PITPNM3: variants seen among roughly 807,000 people sequenced by gnomAD.
PITPNM3 encodes PITPNM family member 3.
A neutral mutation model predicts 102.0 loss-of-function variants in PITPNM3; 26 were observed. The ratio of observed to expected loss-of-function variants is 0.25; its 90% confidence interval spans 0.19 to 0.35. The LOEUF is 0.35. Among genes scored for constraint, PITPNM3 ranks in the 10% least tolerant of loss-of-function variants. PITPNM3 has a pLI of 1.00. For missense variants in PITPNM3, 1,083 were observed against 1,346.1 expected (o/e 0.80, Z 3.06); for synonymous variants, 578 against 558.6 (o/e 1.03, Z -0.49).
At chr17:6,551,846 CAGG>C (rs1405771721) in intron 1 of PITPNM3, among the ~76,000 whole-genome samples, 3 of 151,992 alleles carry the variant, frequency 2.0e-5, no homozygotes, top group Admixed American at 1.3e-4. Flanking sequence ...GTAAGGGGCC[CAGG>C]AGAAGTCTCG....
intron 1 of PITPNM3, among the ~76,000 whole-genome samples, chr17:6,544,407 C>CT (rs1909897126): frequency 6.6e-6 from 1 of 152,114 alleles, no homozygotes; most frequent in African/African-American, 2.4e-5. Flanking sequence ...TAGCATGTGC[C>CT]TATAGTCCCA....
At position 6,457,339 on chromosome 17, in the gene PITPNM3, C is replaced by G. The variant is rs1241302011; in HGVS notation, c.2619+255G>C. The stretch of plus-strand genomic sequence containing the variant: ...ACATCATGGCACTTGTTACACTCCA[C>G]TGTCACCAACTGCAAATGTGTCCAT... On this transcript the variant is annotated intron_variant, in intron 19 of 19. Transcript: ENST00000262483. The surrounding 1 kb of genome is among the most constrained non-coding windows in gnomAD (Gnocchi z 4.7). Among the ~76,000 whole-genome samples the G allele has an allele frequency of 6.6e-5, 10 of 152,360 alleles. No homozygotes were observed. In the East Asian group the frequency reaches 1.9e-3, roughly 29 times the overall value.
At chr17:6,488,495 T>C (rs1407944277) in intron 4 of PITPNM3, among the ~76,000 whole-genome samples, 1 of 152,210 alleles carries the variant, frequency 6.6e-6, no homozygotes, top group Non-Finnish European at 1.5e-5. Flanking sequence ...TTTACCAGTT[T>C]TCAGGGACTA....
chr17:6,457,820 T>C lies in PITPNM3; in HGVS notation c.2491-98A>G. On this transcript the variant is annotated intron_variant, in intron 18 of 19. Transcript: ENST00000262483. This position sits in a 1 kb window ranked among gnomAD's most constrained non-coding sequence, Gnocchi z 4.7. Reference sequence around the variant, plus strand: ...CAGGGGGCCCCTGCTTGGGGACCCTTTATGTGCACTCTGGTAGACTCCAAG... The same window carrying C: ...CAGGGGGCCCCTGCTTGGGGACCCTCTATGTGCACTCTGGTAGACTCCAAG... 6.8e-7 allele frequency: 1 copy of C among 1,477,628 alleles called. No homozygotes were observed. Among genetic ancestry groups the C allele is most frequent in the Non-Finnish European group, 9.2e-7 (1 of 1,091,500 alleles). 91.5% of individuals were successfully genotyped at this position (1,477,628 alleles called of 1,614,324 possible).
chr17:6,538,058 G>A lies in PITPNM3; in HGVS notation c.47C>T (p.Ala16Val), dbSNP rs769866638. Residue 16 changes from alanine (A) to valine (V), a missense_variant, in exon 2 of 20, where the codon GCC (alanine) becomes GTC (valine). Coordinates refer to ENST00000262483, the MANE Select transcript of PITPNM3 (RefSeq NM_031220.4). ...RAGGPPPGGGAPWHLRNVLSD... is the reference protein window; with the variant it reads ...RAGGPPPGGGVPWHLRNVLSD... ...GAGGACATTTCGAAGGTGCCAGGGG[G>A]CACCGCCGCCCGGGGGAGGACCACC... The A allele has an allele frequency of 3.7e-6, 6 of 1,611,828 alleles. No individual in the cohort carries two copies. The South Asian group carries it at 6.6e-5, about 18-fold the overall frequency.
Position 6,556,451 on chromosome 17 carries a change from C to G in PITPNM3, c.-45G>C. 8.4e-7 allele frequency: 1 copy of G among 1,195,780 alleles called. No individual in the cohort carries two copies. Among genetic ancestry groups the G allele is most frequent in the Non-Finnish European group, 1.0e-6 (1 of 967,168 alleles). The allele number at this position is 1,195,780 out of a possible 1,614,324, so 74.1% of individuals were successfully genotyped here. The stretch of plus-strand genomic sequence containing the variant: ...GGCGGCGCTACGCGCGCTCCTCGCG[C>G]TTCCCGGGCCCGGCCCCGACCGCCT... On this transcript the variant is annotated 5_prime_UTR_variant, in exon 1 of 20. Transcript: ENST00000262483. The surrounding 1 kb of genome is among the most constrained non-coding windows in gnomAD (Gnocchi z 5.2).
chr17:6,498,537 G>A (rs1000090294), intron 4 of PITPNM3, among the ~76,000 whole-genome samples: 1 of 152,240 alleles, frequency 6.6e-6, no homozygotes, highest in Non-Finnish European at 1.5e-5. Flanking sequence ...ATGGGAAGCA[G>A]GAAGGCAGGG....
chr17:6,455,736 A>AG, intron 19 of PITPNM3, 93 bp from the exon 20 acceptor site: 1 of 60,318 alleles, frequency 1.7e-5, no homozygotes, highest in Non-Finnish European at 3.6e-5. Context: ...AGGGGAGGGG[A>AG]GGGGAGGGAG....
chr17:6,485,505 T>A (rs1256084179), intron 4 of PITPNM3, among the ~76,000 whole-genome samples: 1 of 152,116 alleles, frequency 6.6e-6, no homozygotes, highest in Admixed American at 6.5e-5. Flanking sequence ...TCGGTCGGTT[T>A]CTCCGCAGAA....
intron 17 of PITPNM3, among the ~76,000 whole-genome samples, chr17:6,462,422 C>T (rs1051133530): frequency 8.5e-5 from 13 of 152,202 alleles, no homozygotes; most frequent in African/African-American, 3.1e-4. Flanking sequence ...AGCTGCTTTG[C>T]TGCCCCCTGA....
intron 1 of PITPNM3, among the ~76,000 whole-genome samples, chr17:6,545,232 C>T (rs573862454): frequency 3.3e-5 from 5 of 152,316 alleles, no homozygotes; most frequent in South Asian, 4.1e-4. Flanking sequence ...CATTTCAAAA[C>T]GGTTTAGCAG....
chr17:6,553,312 T>C (rs1446771094), intron 1 of PITPNM3, among the ~76,000 whole-genome samples: 4 of 152,122 alleles, frequency 2.6e-5, no homozygotes, highest in African/African-American at 9.7e-5. Flanking sequence ...AAATCTCCCC[T>C]AGAGATTGAG....
intron 3 of PITPNM3, among the ~76,000 whole-genome samples, chr17:6,514,308 T>TA (rs1908030129): frequency 1.6e-5 from 2 of 123,036 alleles, no homozygotes. Context: ...AAAGACATTA[T>TA]CAAAAAAAAA....
rs1597359279 is a variant in PITPNM3 at position 6,459,816 on chromosome 17, C to G, written c.2490+1557G>C. ...CACGGGCATCTTAGAACTCCTCGCT[C>G]CCTGCATCCAACCATCCCTGAGCCC... On this transcript the variant is annotated intron_variant, in intron 18 of 19. Transcript: ENST00000262483. This position sits in a 1 kb window ranked among gnomAD's most constrained non-coding sequence, Gnocchi z 5.0. 6.6e-6 allele frequency among the ~76,000 whole-genome samples: 1 copy of G among 152,122 alleles called. No homozygotes were observed. Among genetic ancestry groups the G allele is most frequent in the East Asian group, 1.9e-4 (1 of 5,186 alleles).
At position 6,459,015 on chromosome 17, in the gene PITPNM3, T is replaced by C. The variant is rs1017605163; in HGVS notation, c.2491-1293A>G. Among the ~76,000 whole-genome samples, 3 of 152,180 alleles carry C rather than the reference T, an allele frequency of 2.0e-5. No individual in the cohort carries two copies. Among genetic ancestry groups the C allele is most frequent in the African/African-American group, 7.2e-5 (3 of 41,446 alleles). On this transcript the variant is annotated intron_variant, in intron 18 of 19. Coordinates refer to ENST00000262483, the MANE Select transcript of PITPNM3 (RefSeq NM_031220.4). This position sits in a 1 kb window ranked among gnomAD's most constrained non-coding sequence, Gnocchi z 5.0. ...AGCCCACTGCCCCTCACCTCAATGG[T>C]TGGTTTATTCCCAACTGGCCTTTGG... is the stretch of plus-strand genomic sequence containing the variant.
chr17:6,506,533 G>A (rs765858739), intron 3 of PITPNM3, among the ~76,000 whole-genome samples: 51 of 151,930 alleles, frequency 3.4e-4, no homozygotes, highest in Non-Finnish European at 5.6e-4. Context: ...CACCACACCC[G>A]GCTAATTTTT....
At chr17:6,549,680 T>C (rs1356926485) in intron 1 of PITPNM3, among the ~76,000 whole-genome samples, 1 of 152,244 alleles carries the variant, frequency 6.6e-6, no homozygotes, top group African/African-American at 2.4e-5. Flanking sequence ...ATTTTCTTTC[T>C]CTTTAGAAAA....
intron 3 of PITPNM3, among the ~76,000 whole-genome samples, chr17:6,509,833 C>G (rs771716329): frequency 8.5e-5 from 13 of 152,216 alleles, no homozygotes; most frequent in Non-Finnish European, 1.5e-4. Flanking sequence ...TGGCTCTCCG[C>G]TCCCCTGCTT....
At chr17:6,497,681 C>G in intron 4 of PITPNM3, among the ~76,000 whole-genome samples, 1 of 152,204 alleles carries the variant, frequency 6.6e-6, no homozygotes, top group East Asian at 1.9e-4. Context: ...GCCCTCACCC[C>G]TGCAGCTGAT....
Sources: gnomAD v4.1 joint callset for allele counts (sites outside exome capture counted in the v4.1 genomes callset) on GRCh38, gnomAD v4.1.1 for gene constraint, Gnocchi (gnomAD v3.1) non-coding constraint, MANE v1.5 for transcripts, NCBI Gene and HGNC (gene_info 2026-07-23, HGNC 2026-07-21) for gene names.